Variants in ZNF738 observed in about 807,000 individuals in gnomAD.
The protein encoded by ZNF738 is protein ZNF738.
ZNF738 carries 10 observed loss-of-function variants against 9.2 expected under a neutral mutation model. That is an observed-to-expected ratio of 1.09 (90% confidence interval 0.67 to 1.85). The LOEUF (loss-of-function observed/expected upper bound fraction) is 1.85, where lower values mean the gene tolerates loss of function less well. Ranked by LOEUF, ZNF738 falls within the 40% of genes most tolerant of loss-of-function variation. The pLI is 0.00. For synonymous variants in ZNF738, 113 were observed against 94.5 expected, an observed-to-expected ratio of 1.20 and a Z score of -1.14; for missense variants, 346 against 283.6, an observed-to-expected ratio of 1.22 and a Z score of -1.58.
At position 21,386,156 on chromosome 19, in the gene ZNF738, T is replaced by G. The variant is rs186114205; in HGVS notation, c.*2482T>G. Among the ~76,000 whole-genome samples, 7 of 152,096 alleles carry G rather than the reference T, an allele frequency of 4.6e-5. No individual in the cohort carries two copies. In the East Asian group the frequency reaches 1.2e-3, roughly 25 times the overall value. On this transcript the variant is annotated 3_prime_UTR_variant, in exon 5 of 5. Transcript: ENST00000683779. ...TCATCCATTACTAAACAAGATAATT[T>G]GTACTGGAGAGAAAACCTACAAACG...
intron 2 of ZNF738, among the ~76,000 whole-genome samples, chr19:21,364,694 A>C (rs1270468445): frequency 3.3e-5 from 5 of 151,666 alleles, no homozygotes; most frequent in Admixed American, 6.6e-5. Context: ...CTTACTCCAT[A>C]GGCAGAGCAG....
chr19:21,385,465 AAAT>A lies in ZNF738; in HGVS notation c.*1794_*1796del, dbSNP rs1283640988. On this transcript the variant is annotated 3_prime_UTR_variant, in exon 5 of 5. Coordinates refer to ENST00000683779, the MANE Select transcript of ZNF738 (RefSeq NM_001355237.2). ...AGAGAGACTCTATCTCCAAAAAAAT[AAAT>A]AAATAAATAAAAAAAATAAGAGAGT... is the stretch of plus-strand genomic sequence containing the variant. Among the ~76,000 whole-genome samples, 79 of 149,942 alleles carry A rather than the reference AAAT, an allele frequency of 5.3e-4. No homozygotes were observed. Among genetic ancestry groups the A allele is most frequent in the African/African-American group, 3.4e-4 (14 of 41,078 alleles).
chr19:21,360,247 A>G (rs1051211558), intron 1 of ZNF738, among the ~76,000 whole-genome samples: 1 of 146,498 alleles, frequency 6.8e-6, no homozygotes, highest in Non-Finnish European at 1.5e-5. Flanking sequence ...CTGCCACTTA[A>G]TTATTTTCAC....
chr19:21,363,894 A>G (rs1167902926), intron 2 of ZNF738, among the ~76,000 whole-genome samples: 2 of 149,496 alleles, frequency 1.3e-5, no homozygotes, highest in Non-Finnish European at 3.0e-5. Context: ...TTAAAAAAAA[A>G]AAAAAAAAAT....
intron 1 of ZNF738, among the ~76,000 whole-genome samples, chr19:21,361,026 C>G (rs1973682793): frequency 6.6e-6 from 1 of 151,922 alleles, no homozygotes; most frequent in African/African-American, 2.4e-5. Context: ...GTTGGTCAGG[C>G]TGGTCATGAA....
chr19:21,375,300 C>A lies in ZNF738; in HGVS notation c.159C>A (p.Asp53Glu). The A allele has an allele frequency of 8.9e-7, 1 of 1,124,272 alleles. No homozygotes were observed. The highest frequency in any genetic ancestry group is 1.4e-6 in the Non-Finnish European group (1 of 735,158). The allele number at this position is 1,124,272 out of a possible 1,614,324, so 69.6% of individuals were successfully genotyped here. The change falls in exon 3 of 5, where the codon GAC (aspartate) becomes GAA (glutamate). Residue 53 changes from aspartate to glutamate, a missense_variant. Transcript: ENST00000683779. ...EFSQEEWQCL[D>E]TAQQDLYRKV... ...CTCAGGAGGAGTGGCAATGCCTGGA[C>A]ACTGCTCAGCAAGATTTGTATAGGA...
chr19:21,371,329 C>T (rs12984871), intron 2 of ZNF738, among the ~76,000 whole-genome samples: 86,004 of 152,010 alleles, frequency 0.57, 24,617 homozygotes, highest in Middle Eastern at 0.69. Flanking sequence ...ACCTGGGTGT[C>T]CTTAAGACAT....
intron 1 of ZNF738, 146 bp downstream of exon 1, chr19:21,359,289 C>T: frequency 5.3e-6 from 4 of 761,800 alleles, no homozygotes; most frequent in Non-Finnish European, 9.5e-6. Context: ...GCCTCAGTCG[C>T]CTTCAGCCAT....
At chr19:21,364,500 A>G (rs1973748714) in intron 2 of ZNF738, among the ~76,000 whole-genome samples, 1 of 152,154 alleles carries the variant, frequency 6.6e-6, no homozygotes, top group South Asian at 2.1e-4. Flanking sequence ...ACCACTGAAG[A>G]CAAATACAGC....
rs561649066 is a variant in ZNF738, at chr19:21,359,002, C to G, written c.-139C>G. On this transcript the variant is annotated 5_prime_UTR_variant, in exon 1 of 5. Coordinates refer to ENST00000683779, the MANE Select transcript of ZNF738 (RefSeq NM_001355237.2). ...TGGCGGGATTTGTCCGCTTCTTTGT[C>G]TTTGGCTGCCGCTGGAACTCCGGGT... The G allele has an allele frequency of 4.1e-6, 3 of 738,248 alleles. No homozygotes were observed. Among genetic ancestry groups the G allele is most frequent in the African/African-American group, 1.7e-5 (1 of 58,000 alleles). 45.7% of individuals were successfully genotyped at this position (738,248 alleles called of 1,614,324 possible). A position where few individuals can be genotyped will look rare whatever the true frequency, so the allele number is the denominator to read the frequency against.
In ZNF738 at chr19:21,359,154, G is replaced by A. The variant is rs761916606; in HGVS notation, c.3+11G>A. Reference sequence around the variant, plus strand: ...GGAAGCCTAGAAATGGTGAGAGTGCGGGGTCCAACATCCCGAGAGAGGGGA... The same window carrying A: ...GGAAGCCTAGAAATGGTGAGAGTGCAGGGTCCAACATCCCGAGAGAGGGGA... On this transcript the variant is annotated intron_variant, in intron 1 of 4. Coordinates refer to ENST00000683779, the MANE Select transcript of ZNF738 (RefSeq NM_001355237.2). The A allele has an allele frequency of 4.8e-6, 5 of 1,051,100 alleles. No homozygotes were observed. The Admixed American group carries it at 5.1e-5, about 11-fold the overall frequency. 65.1% of individuals were successfully genotyped at this position (1,051,100 alleles called of 1,614,324 possible). A position where few individuals can be genotyped will look rare whatever the true frequency, so the allele number is the denominator to read the frequency against.
intron 2 of ZNF738, among the ~76,000 whole-genome samples, chr19:21,362,406 A>G (rs1973713258): frequency 6.6e-6 from 1 of 152,236 alleles, no homozygotes; most frequent in Non-Finnish European, 1.5e-5. Context: ...TTGCAAAGTA[A>G]AATGCACCTA....
In ZNF738 at chr19:21,384,615, A is replaced by G. The variant is rs1211766560; in HGVS notation, c.*941A>G. ...TGAAGAATGTGGCAAAGCTTTTTAA[A>G]AATCCTCAAACCTTACTAATCATAA... On this transcript the variant is annotated 3_prime_UTR_variant, in exon 5 of 5. Transcript: ENST00000683779. 7.1e-6 allele frequency among the ~76,000 whole-genome samples: 1 copy of G among 140,320 alleles called. No individual in the cohort carries two copies. Among genetic ancestry groups the G allele is most frequent in the Admixed American group, 7.1e-5 (1 of 14,154 alleles). The allele number at this position is 140,320 out of a possible 152,430, so 92.1% of individuals were successfully genotyped here.
At chr19:21,370,950 C>T (rs1337099996) in intron 2 of ZNF738, among the ~76,000 whole-genome samples, 2 of 152,114 alleles carry the variant, frequency 1.3e-5, no homozygotes, top group Non-Finnish European at 2.9e-5. Context: ...AATCTTAAAG[C>T]CCCCATTTGA....
intron 2 of ZNF738, among the ~76,000 whole-genome samples, chr19:21,362,745 C>T (rs1183757182): frequency 2.6e-5 from 4 of 152,126 alleles, no homozygotes; most frequent in Non-Finnish European, 5.9e-5. Flanking sequence ...TTTTCACTTA[C>T]CTTTTTCTTT....
intron 4 of ZNF738, chr19:21,378,462 G>C (rs1437381050): frequency 5.8e-6 from 1 of 173,366 alleles, no homozygotes; most frequent in African/African-American, 2.4e-5. Flanking sequence ...TTATTTAGCA[G>C]GACAGATTTG....
chr19:21,382,248 G>GTT (rs113238653), intron 4 of ZNF738, among the ~76,000 whole-genome samples: 30 of 138,184 alleles, frequency 2.2e-4, no homozygotes, highest in Non-Finnish European at 3.1e-4. Flanking sequence ...ACTTCTTTTT[G>GTT]TTTTTTTTTT....
At chr19:21,376,148 A>G in intron 4 of ZNF738, 184 bp downstream of exon 4, 1 of 428,826 alleles carries the variant, frequency 2.3e-6, no homozygotes, top group Non-Finnish European at 4.3e-6. Context: ...ACATAGGGCC[A>G]TCTTCTGTCT....
intron 1 of ZNF738, among the ~76,000 whole-genome samples, chr19:21,359,507 G>A (rs193017520): frequency 1.6e-3 from 244 of 152,294 alleles, no homozygotes; most frequent in African/African-American, 5.4e-3. Context: ...GGTTTGTTCC[G>A]TGGGGTTCCC....
Sources: gnomAD v4.1 joint callset for allele counts (sites outside exome capture counted in the v4.1 genomes callset) on GRCh38, gnomAD v4.1.1 for gene constraint, MANE v1.5 for transcripts, NCBI Gene and HGNC (gene_info 2026-07-23, HGNC 2026-07-21) for gene names.